The following CCSER1 variants were observed in gnomAD, a reference collection of about 807,000 sequenced individuals.
The protein encoded by CCSER1 is serine-rich coiled-coil domain-containing protein 1.
Under a neutral mutation model 82.0 loss-of-function variants are expected in CCSER1, and 41 were observed. The ratio of observed to expected loss-of-function variants is 0.50; its 90% CI spans 0.39 to 0.65. CCSER1 has a LOEUF of 0.65. Among genes scored for constraint, CCSER1 ranks in the 30% least tolerant of loss-of-function variants. The pLI is 0.00. For synonymous variants in CCSER1, 414 were observed against 383.9 expected, an observed-to-expected ratio of 1.08 and a Z score of -0.92; for missense variants, 1,119 against 1,064.2, an observed-to-expected ratio of 1.05 and a Z score of -0.72.
Position 90,309,298 on chromosome 4 carries a change from G to T in CCSER1, c.1014G>T (p.Pro338=). 6.2e-7 allele frequency: 1 copy of T among 1,613,756 alleles called. No homozygotes were observed. Among genetic ancestry groups the T allele is most frequent in the Non-Finnish European group, 8.5e-7 (1 of 1,179,794 alleles). ...GQCSTESNSL[P]ETSAANQKEV... Reference sequence around the variant, plus strand: ...GTAGCACTGAATCTAATTCATTACCGGAAACCTCTGCTGCTAATCAGAAGG... The same window carrying T: ...GTAGCACTGAATCTAATTCATTACCTGAAACCTCTGCTGCTAATCAGAAGG... Residue 338 remains proline (P), a synonymous_variant, in exon 2 of 11, where the codon CCG becomes CCT. Coordinates refer to ENST00000509176, the MANE Select transcript of CCSER1 (RefSeq NM_001145065.2).
chr4:91,401,548 C>T (rs1243498493), intron 10 of CCSER1, among the ~76,000 whole-genome samples: 2 of 151,974 alleles, frequency 1.3e-5, no homozygotes, highest in Non-Finnish European at 2.9e-5. Flanking sequence ...TTCGTCCCCC[C>T]TCCCCCAACC....
chr4:90,271,846 A>ATATATATATG (rs1726419896), intron 1 of CCSER1, among the ~76,000 whole-genome samples: 1 of 24,854 alleles, frequency 4.0e-5, no homozygotes, highest in African/African-American at 2.6e-4. Context: ...ATATATATAT[A>ATATATATATG]TATATATATA....
intron 5 of CCSER1, among the ~76,000 whole-genome samples, chr4:90,607,658 CTG>C (rs1784907454): frequency 2.6e-5 from 4 of 152,298 alleles, no homozygotes; most frequent in South Asian, 4.1e-4. Context: ...CCATCGTTCT[CTG>C]TGTTGACCTT....
At chr4:91,266,242 G>A (rs919581124) in intron 10 of CCSER1, among the ~76,000 whole-genome samples, 6 of 151,026 alleles carry the variant, frequency 4.0e-5, no homozygotes, top group Admixed American at 2.6e-4. Flanking sequence ...TGTTTTTTTT[G>A]TTTGTTGGTT....
intron 3 of CCSER1, among the ~76,000 whole-genome samples, chr4:90,375,783 G>T (rs1748203472): frequency 1.3e-5 from 2 of 152,182 alleles, no homozygotes; most frequent in Admixed American, 1.3e-4. Context: ...CAGTCATTTT[G>T]TAGAGCAGAC....
chr4:90,915,126 A>C (rs1172232160), intron 8 of CCSER1, among the ~76,000 whole-genome samples: 1 of 152,228 alleles, frequency 6.6e-6, no homozygotes, highest in Admixed American at 6.5e-5. Flanking sequence ...AACTATTCCA[A>C]TCAATAGAAA....
intron 10 of CCSER1, among the ~76,000 whole-genome samples, chr4:91,147,816 G>GA (rs1251258920): frequency 2.9e-4 from 44 of 152,282 alleles, no homozygotes; most frequent in Non-Finnish European, 4.9e-4. Flanking sequence ...TGTTAGGAGA[G>GA]AAAAAATGAT....
intron 9 of CCSER1, among the ~76,000 whole-genome samples, chr4:91,037,132 C>G (rs1182946917): frequency 6.6e-6 from 1 of 151,930 alleles, no homozygotes; most frequent in African/African-American, 2.4e-5. Context: ...GCCTGAACTG[C>G]TAGAATAGCC....
At chr4:90,442,190 A>G (rs1378523707) in intron 4 of CCSER1, among the ~76,000 whole-genome samples, 3 of 152,150 alleles carry the variant, frequency 2.0e-5, no homozygotes, top group Non-Finnish European at 4.4e-5. Flanking sequence ...CTTAAGAGCT[A>G]AAATAAATTG....
chr4:91,449,865 T>C (rs1755775338), intron 10 of CCSER1, among the ~76,000 whole-genome samples: 1 of 152,126 alleles, frequency 6.6e-6, no homozygotes, highest in Admixed American at 6.6e-5. Context: ...GAATAAAGTA[T>C]ATAACTTTTT....
At chr4:90,193,071 G>A (rs139563448) in intron 1 of CCSER1, among the ~76,000 whole-genome samples, 3,189 of 152,172 alleles carry the variant, frequency 0.021, 42 homozygotes, top group South Asian at 0.035. Flanking sequence ...ATCCGTGGTA[G>A]CAACATGTTA....
chr4:91,398,923 C>CACT lies in CCSER1; in HGVS notation c.2218-199647_2218-199645dup, dbSNP rs1221727461. Among the ~76,000 whole-genome samples, 6 of 151,968 alleles carry CACT rather than the reference C, an allele frequency of 3.9e-5. No individual in the cohort carries two copies. In the South Asian group the frequency reaches 1.0e-3, roughly 26 times the overall value. On this transcript the variant is annotated intron_variant, in intron 10 of 10. Transcript: ENST00000509176. ...AGTGTGCAGACCAGTGTTTGAGGAGCACTAGTCCAGAGCTTAAGAAAATTA... is the reference window on the plus strand; with the variant it reads ...AGTGTGCAGACCAGTGTTTGAGGAGCACTACTAGTCCAGAGCTTAAGAAAATTA...
At chr4:90,782,387 T>C (rs891616598) in intron 7 of CCSER1, among the ~76,000 whole-genome samples, 9 of 152,176 alleles carry the variant, frequency 5.9e-5, no homozygotes, top group Non-Finnish European at 1.2e-4. Context: ...GACTAGATGA[T>C]TTGAGACGTA....
chr4:90,400,009 T>G (rs752827240), intron 3 of CCSER1, 27 bp from the exon 4 acceptor site: 2 of 1,384,926 alleles, frequency 1.4e-6, no homozygotes, highest in Non-Finnish European at 2.0e-6. Context: ...TTTTGGTTTC[T>G]AATTGTTGGT....
At chr4:91,388,175 C>T (rs895537747) in intron 10 of CCSER1, among the ~76,000 whole-genome samples, 3 of 151,960 alleles carry the variant, frequency 2.0e-5, no homozygotes, top group Non-Finnish European at 4.4e-5. Context: ...ATCACCACAC[C>T]CAGCTTGATA....
intron 9 of CCSER1, among the ~76,000 whole-genome samples, chr4:90,947,324 T>C (rs1732374588): frequency 6.6e-6 from 1 of 152,210 alleles, no homozygotes; most frequent in South Asian, 2.1e-4. Context: ...ACACGAAATA[T>C]CTTGGATTCC....
intron 8 of CCSER1, among the ~76,000 whole-genome samples, chr4:90,848,334 A>G (rs1227790355): frequency 6.6e-6 from 1 of 152,214 alleles, no homozygotes; most frequent in Non-Finnish European, 1.5e-5. Context: ...TATAACTGGA[A>G]GCTAAGGGCA....
chr4:90,386,446 ATGT>A (rs1274194358), intron 3 of CCSER1, among the ~76,000 whole-genome samples: 3 of 124,482 alleles, frequency 2.4e-5, no homozygotes, highest in African/African-American at 1.2e-4. Flanking sequence ...GGAGAGGCAC[ATGT>A]AGAAGAATGA....
chr4:90,242,237 A>T (rs1746999406), intron 1 of CCSER1, among the ~76,000 whole-genome samples: 1 of 152,190 alleles, frequency 6.6e-6, no homozygotes, highest in Non-Finnish European at 1.5e-5. Flanking sequence ...AGCATGGGAG[A>T]CGGAGCTTGC....
Sources: allele counts gnomAD v4.1 joint callset (sites outside exome capture counted in the v4.1 genomes callset), GRCh38; gene constraint gnomAD v4.1.1; transcripts MANE v1.5; gene names NCBI Gene and HGNC (gene_info 2026-07-23, HGNC 2026-07-21).